Variants in THSD4 observed in about 807,000 individuals in gnomAD.
THSD4 encodes thrombospondin type-1 domain-containing protein 4.
In THSD4, 69 loss-of-function variants were observed where a neutral mutation model predicts 119.0. The observed-to-expected ratio is 0.58, with a 90% confidence interval of 0.48 to 0.71. THSD4 has a LOEUF of 0.71. Ranked by LOEUF, THSD4 falls within the 30% of genes least tolerant of loss-of-function variation. The pLI is 0.00. For synonymous variants in THSD4, 524 were observed against 540.4 expected (o/e 0.97, Z 0.42); for missense variants, 1,393 against 1,391.1 (o/e 1.00, Z -0.02).
At chr15:71,157,442 AT>A (rs200066529) in intron 3 of THSD4, among the ~76,000 whole-genome samples, 7 of 150,988 alleles carry the variant, frequency 4.6e-5, no homozygotes, top group South Asian at 2.1e-4. Flanking sequence ...TGCATTTATC[AT>A]TTTTTTTTGT....
chr15:71,114,731 G>T (rs1266151927), upstream of THSD4, among the ~76,000 whole-genome samples: 2 of 152,130 alleles, frequency 1.3e-5, no homozygotes, highest in Admixed American at 6.5e-5. Flanking sequence ...CTAATGAGAA[G>T]AATTATTATT....
intron 7 of THSD4, among the ~76,000 whole-genome samples, chr15:71,544,522 A>T (rs1268220569): frequency 6.6e-6 from 1 of 152,176 alleles, no homozygotes; most frequent in Non-Finnish European, 1.5e-5. Context: ...GTTGTCAAGG[A>T]GGTAGAGAAA....
At chr15:71,761,524 A>G (rs968585336) in intron 15 of THSD4, among the ~76,000 whole-genome samples, 6 of 152,216 alleles carry the variant, frequency 3.9e-5, no homozygotes, top group Non-Finnish European at 4.4e-5. Flanking sequence ...TTCACGTACC[A>G]TAAAATTTAC....
chr15:71,132,304 G>A (rs1483889145), intron 1 of THSD4, among the ~76,000 whole-genome samples: 3 of 152,156 alleles, frequency 2.0e-5, no homozygotes, highest in Admixed American at 1.3e-4. Context: ...CAACAATAAG[G>A]GAACATTATT....
chr15:71,687,524 G>T (rs980398784), intron 8 of THSD4, among the ~76,000 whole-genome samples: 4 of 152,168 alleles, frequency 2.6e-5, no homozygotes, highest in African/African-American at 9.7e-5. Flanking sequence ...GGGGGGCCAA[G>T]GCGAGTGGAT....
At chr15:71,174,759 C>G (rs567494607) in intron 3 of THSD4, among the ~76,000 whole-genome samples, 1 of 151,552 alleles carries the variant, frequency 6.6e-6, no homozygotes, top group South Asian at 2.1e-4. Flanking sequence ...TTGAAGAGAG[C>G]AGGGGTTCTC....
chr15:71,386,208 C>G (rs2044028), intron 6 of THSD4, among the ~76,000 whole-genome samples: 77,081 of 151,994 alleles, frequency 0.51, 20,295 homozygotes, highest in East Asian at 0.65. Flanking sequence ...GGGTTGACTT[C>G]CATTAAAAAT....
In THSD4 at chr15:71,598,494, A is replaced by C. The variant is rs151109585; in HGVS notation, c.1153-62036A>C. Among the ~76,000 whole-genome samples, 371 of 152,260 alleles carry C rather than the reference A, an allele frequency of 2.4e-3. 3 individuals carry two copies. Among genetic ancestry groups the C allele is most frequent in the African/African-American group, 8.7e-3 (360 of 41,552 alleles). On this transcript the variant is annotated intron_variant, in intron 7 of 17. Transcript: ENST00000261862. ...GCCAGGAGTTGACTGAAGACTGGGG[A>C]GAAGGGTCCACCGTTTTGCAGACGT...
At chr15:71,163,335 A>G (rs2043263894) in intron 3 of THSD4, among the ~76,000 whole-genome samples, 1 of 152,028 alleles carries the variant, frequency 6.6e-6, no homozygotes, top group African/African-American at 2.4e-5. Flanking sequence ...CTGAAATTAC[A>G]TAAACAAATG....
intron 6 of THSD4, among the ~76,000 whole-genome samples, chr15:71,264,297 G>A (rs1409542305): frequency 1.3e-5 from 2 of 152,206 alleles, no homozygotes; most frequent in African/African-American, 2.4e-5. Flanking sequence ...TCCTGTGAAT[G>A]TTCAGAGTGG....
intron 4 of THSD4, among the ~76,000 whole-genome samples, chr15:71,234,391 C>T (rs577487834): frequency 1.1e-3 from 162 of 152,284 alleles, no homozygotes; most frequent in African/African-American, 3.7e-3. Context: ...CTGCAACCTC[C>T]ACCTCCCGGT....
chr15:71,725,541 C>A (rs1177437653), intron 8 of THSD4, among the ~76,000 whole-genome samples: 1 of 152,064 alleles, frequency 6.6e-6, no homozygotes, highest in Non-Finnish European at 1.5e-5. Flanking sequence ...AAATGAGCAG[C>A]CTGAGAGCAG....
intron 3 of THSD4, among the ~76,000 whole-genome samples, chr15:71,196,863 G>A (rs1263758012): frequency 6.6e-6 from 1 of 152,146 alleles, no homozygotes; most frequent in East Asian, 1.9e-4. Flanking sequence ...TGGCATCATG[G>A]TATGCGTGGC....
chr15:71,536,108 T>A (rs377169205), intron 7 of THSD4, among the ~76,000 whole-genome samples: 9 of 152,340 alleles, frequency 5.9e-5, no homozygotes, highest in African/African-American at 1.9e-4. Context: ...TTACAACAAA[T>A]TAACAAATTT....
At position 71,738,020 on chromosome 15, in the gene THSD4, G is replaced by A. The variant is rs373570106; in HGVS notation, c.1906+13G>A. 262 of 1,612,558 alleles carry A rather than the reference G, an allele frequency of 1.6e-4. No individual in the cohort carries two copies. The African/African-American group carries it at 3.2e-3, about 20-fold the overall frequency. On this transcript the variant is annotated intron_variant, in intron 11 of 17. Coordinates refer to ENST00000261862, the MANE Select transcript of THSD4 (RefSeq NM_024817.3). ...ACCTGTGGGAAAGGTGAGCCTGTGTGGGGGACGGGTGGATCCCTGCAGAAC... is the reference window on the plus strand; with the variant it reads ...ACCTGTGGGAAAGGTGAGCCTGTGTAGGGGACGGGTGGATCCCTGCAGAAC...
chr15:71,522,079 T>C (rs1409489485), intron 7 of THSD4, among the ~76,000 whole-genome samples: 1 of 152,196 alleles, frequency 6.6e-6, no homozygotes, highest in Non-Finnish European at 1.5e-5. Flanking sequence ...CTTTTACACC[T>C]GATGTGAACT....
At chr15:71,573,935 A>AG (rs1189620062) in intron 7 of THSD4, among the ~76,000 whole-genome samples, 1 of 152,246 alleles carries the variant, frequency 6.6e-6, no homozygotes, top group Non-Finnish European at 1.5e-5. Flanking sequence ...TGTTGAATGA[A>AG]GGGCTTTTAA....
chr15:71,634,488 C>T (rs1436462227), intron 7 of THSD4, among the ~76,000 whole-genome samples: 1 of 152,230 alleles, frequency 6.6e-6, no homozygotes, highest in African/African-American at 2.4e-5. Flanking sequence ...AGCACAAGCA[C>T]ATCTGCGTCC....
intron 3 of THSD4, among the ~76,000 whole-genome samples, chr15:71,182,899 A>T (rs547834060): frequency 6.6e-6 from 1 of 151,688 alleles, no homozygotes; most frequent in Non-Finnish European, 1.5e-5. Context: ...TTTGTTCCTA[A>T]TTGTATTCTC....
Sources: gnomAD v4.1 joint callset for allele counts (sites outside exome capture counted in the v4.1 genomes callset) on GRCh38, gnomAD v4.1.1 for gene constraint, MANE v1.5 for transcripts, NCBI Gene and HGNC (gene_info 2026-07-23, HGNC 2026-07-21) for gene names.